The following MACROD2 variants were observed in gnomAD, a reference collection of about 807,000 sequenced individuals.
MACROD2 encodes ADP-ribose glycohydrolase MACROD2.
In MACROD2, 36 loss-of-function variants were observed where a neutral mutation model predicts 70.4. The observed-to-expected ratio is 0.51, with a 90% CI of 0.39 to 0.68. The LOEUF (loss-of-function observed/expected upper bound fraction) is 0.68, where lower values mean the gene tolerates loss of function less well. Among genes scored for constraint, MACROD2 ranks in the 30% least tolerant of loss-of-function variants. MACROD2 has a pLI of 0.00. For synonymous variants in MACROD2, 172 were observed against 178.8 expected (o/e 0.96, Z 0.30); for missense variants, 496 against 538.4 (o/e 0.92, Z 0.78).
At chr20:15,346,055 T>C (rs2078162304) in intron 6 of MACROD2, among the ~76,000 whole-genome samples, 1 of 152,128 alleles carries the variant, frequency 6.6e-6, no homozygotes, top group Admixed American at 6.6e-5. Context: ...TTGGGAGGTC[T>C]GAAAAGATGC....
At chr20:14,688,152 GT>G (rs2071023829) in intron 5 of MACROD2, among the ~76,000 whole-genome samples, 1 of 152,176 alleles carries the variant, frequency 6.6e-6, no homozygotes, top group Non-Finnish European at 1.5e-5. Context: ...TTCCATGACA[GT>G]TTGACAGCAG....
At chr20:15,721,941 C>T (rs2050793241) in intron 8 of MACROD2, among the ~76,000 whole-genome samples, 1 of 152,094 alleles carries the variant, frequency 6.6e-6, no homozygotes, top group Non-Finnish European at 1.5e-5. Context: ...CCTAAAAATA[C>T]AGCATGTTTT....
intron 5 of MACROD2, among the ~76,000 whole-genome samples, chr20:14,805,295 G>A (rs1355533673): frequency 6.6e-6 from 1 of 152,046 alleles, no homozygotes; most frequent in Non-Finnish European, 1.5e-5. Context: ...TTGAACATTA[G>A]AATTCAGTTT....
intron 10 of MACROD2, among the ~76,000 whole-genome samples, chr20:15,911,972 C>T (rs977451039): frequency 2.0e-5 from 3 of 152,202 alleles, no homozygotes; most frequent in African/African-American, 7.2e-5. Flanking sequence ...TGCCATTGCA[C>T]TCCAGCCCGG....
In MACROD2 at chr20:14,460,242, G is replaced by A. The variant is rs1462516068; in HGVS notation, c.272-33237G>A. On this transcript the variant is annotated intron_variant, in intron 3 of 17. Transcript: ENST00000684519. ...TTATAATCCTTTGGGTATACACCCAGTAATGGGATTGCTGGGTCAAATGGT... is the reference window on the plus strand; with the variant it reads ...TTATAATCCTTTGGGTATACACCCAATAATGGGATTGCTGGGTCAAATGGT... 2.0e-5 allele frequency among the ~76,000 whole-genome samples: 3 copies of A among 152,130 alleles called. 1 individual carries two copies. The highest frequency in any genetic ancestry group is 7.2e-5 in the African/African-American group (3 of 41,388).
chr20:15,269,309 C>A (rs1006225201), intron 6 of MACROD2, among the ~76,000 whole-genome samples: 2 of 152,182 alleles, frequency 1.3e-5, no homozygotes, highest in South Asian at 4.1e-4. Flanking sequence ...TTTCTCTTCC[C>A]GAACTTGAGC....
At chr20:14,984,898 T>C (rs2074834834) in intron 5 of MACROD2, among the ~76,000 whole-genome samples, 1 of 152,202 alleles carries the variant, frequency 6.6e-6, no homozygotes. Context: ...TTTTATCAGA[T>C]TGTGTCTATA....
intron 6 of MACROD2, among the ~76,000 whole-genome samples, chr20:15,397,508 C>T (rs57710060): frequency 0.055 from 8,412 of 152,108 alleles, 623 homozygotes; most frequent in African/African-American, 0.17. Flanking sequence ...CCAAGTTGCT[C>T]AGGCTGGTCT....
At chr20:15,972,044 GA>G (rs908532940) in intron 13 of MACROD2, among the ~76,000 whole-genome samples, 16 of 152,118 alleles carry the variant, frequency 1.1e-4, no homozygotes, top group African/African-American at 3.9e-4. Context: ...GACCCAAATT[GA>G]ATTTCAAGGA....
chr20:15,810,686 G>A (rs1449892238), intron 8 of MACROD2, among the ~76,000 whole-genome samples: 8 of 152,096 alleles, frequency 5.3e-5, no homozygotes, highest in Non-Finnish European at 8.8e-5. Flanking sequence ...ACTTCAAACT[G>A]TACTACAAGG....
At chr20:15,839,818 C>T (rs2064152356) in intron 8 of MACROD2, among the ~76,000 whole-genome samples, 1 of 152,144 alleles carries the variant, frequency 6.6e-6, no homozygotes, top group Non-Finnish European at 1.5e-5. Context: ...TATTATATTA[C>T]ATTGTAATTT....
At chr20:15,542,673 C>A (rs1047548402) in intron 8 of MACROD2, among the ~76,000 whole-genome samples, 8 of 152,198 alleles carry the variant, frequency 5.3e-5, no homozygotes, top group African/African-American at 1.7e-4. Flanking sequence ...GAAACCTGTT[C>A]CTTAACACAA....
chr20:14,344,186 G>A (rs1370975834), intron 3 of MACROD2, among the ~76,000 whole-genome samples: 1 of 152,150 alleles, frequency 6.6e-6, no homozygotes, highest in African/African-American at 2.4e-5. Context: ...TAATGACTAT[G>A]GAAATTGCCC....
At chr20:14,954,113 G>T (rs889464693) in intron 5 of MACROD2, among the ~76,000 whole-genome samples, 3 of 151,968 alleles carry the variant, frequency 2.0e-5, no homozygotes, top group African/African-American at 7.3e-5. Flanking sequence ...GTATAGATTG[G>T]TGTTAAAACA....
intron 8 of MACROD2, among the ~76,000 whole-genome samples, chr20:15,637,911 A>G (rs1183645635): frequency 6.6e-6 from 1 of 152,252 alleles, no homozygotes; most frequent in Non-Finnish European, 1.5e-5. Flanking sequence ...TAAAGTTTAC[A>G]TAAAGACTTG....
At chr20:15,832,775 C>T (rs1227457201) in intron 8 of MACROD2, among the ~76,000 whole-genome samples, 1 of 152,178 alleles carries the variant, frequency 6.6e-6, no homozygotes, top group Non-Finnish European at 1.5e-5. Context: ...TCTGAGAGTG[C>T]AGCCTGGAAC....
chr20:15,716,330 T>C (rs1466906612), intron 8 of MACROD2, among the ~76,000 whole-genome samples: 1 of 152,204 alleles, frequency 6.6e-6, no homozygotes, highest in Non-Finnish European at 1.5e-5. Flanking sequence ...TCCAGATACA[T>C]GGATTTTTAA....
At chr20:15,099,051 A>G (rs1412129928) in intron 5 of MACROD2, among the ~76,000 whole-genome samples, 1 of 152,216 alleles carries the variant, frequency 6.6e-6, no homozygotes, top group African/African-American at 2.4e-5. Flanking sequence ...CTTTAACCAG[A>G]TTTTTAATCA....
At chr20:14,127,617 T>C (rs1444853269) in intron 3 of MACROD2, 4 of 443,420 alleles carry the variant, frequency 9.0e-6, no homozygotes, top group African/African-American at 4.1e-5. Flanking sequence ...AAACAAGAGC[T>C]AATTCAGACA....
Sources: gnomAD v4.1 joint callset for allele counts (sites outside exome capture counted in the v4.1 genomes callset) on GRCh38, gnomAD v4.1.1 for gene constraint, MANE v1.5 for transcripts, NCBI Gene and HGNC (gene_info 2026-07-23, HGNC 2026-07-21) for gene names.